The following ARHGAP15 variants were observed in gnomAD, a reference collection of about 807,000 sequenced individuals.
ARHGAP15 encodes Rho GTPase activating protein 15, also known as rho GTPase-activating protein 15.
Under a neutral mutation model 63.7 loss-of-function variants are expected in ARHGAP15, and 51 were observed. The observed-to-expected ratio is 0.80, with a 90% CI of 0.64 to 1.01. The LOEUF (loss-of-function observed/expected upper bound fraction) is 1.01. Among genes scored for constraint, ARHGAP15 ranks in the 50% least tolerant of loss-of-function variants. The probability of loss-of-function intolerance (pLI) is 0.00; values close to 1 mark genes in which losing one functional copy is unlikely to be tolerated. For missense variants in ARHGAP15, 560 were observed against 564.6 expected (o/e 0.99, Z 0.08); for synonymous variants, 191 against 193.8 (o/e 0.99, Z 0.12).
Position 143,595,433 on chromosome 2 carries a change from A to C in ARHGAP15, c.1004-28700A>C, listed in dbSNP as rs376552319. On this transcript the variant is annotated intron_variant, in intron 11 of 13. Transcript: ENST00000295095. ...TTCTAACTCCAGAAATAGTTTGCAG[A>C]TAGTGTCCTTCTATTTTACGTAATG... Among the ~76,000 whole-genome samples the C allele has an allele frequency of 8.5e-5, 13 of 152,236 alleles. No homozygotes were observed. The East Asian group carries it at 2.5e-3, about 29-fold the overall frequency.
chr2:143,719,365 TTACA>T (rs756943503), intron 13 of ARHGAP15, among the ~76,000 whole-genome samples: 1 of 152,258 alleles, frequency 6.6e-6, no homozygotes, highest in Non-Finnish European at 1.5e-5. Context: ...TTAAATTTGC[TTACA>T]TAGTGAAAAG....
intron 2 of ARHGAP15, among the ~76,000 whole-genome samples, chr2:143,166,008 A>G (rs1690505872): frequency 6.8e-6 from 1 of 146,002 alleles, no homozygotes; most frequent in African/African-American, 2.5e-5. Context: ...GAAAGAAGGA[A>G]GGAAGGAAAA....
intron 1 of ARHGAP15, among the ~76,000 whole-genome samples, chr2:143,148,241 C>G (rs573707833): frequency 6.6e-6 from 1 of 152,112 alleles, no homozygotes; most frequent in Admixed American, 6.6e-5. Flanking sequence ...TCACCTCCAC[C>G]CTAAAATCAT....
chr2:143,417,391 A>T (rs1186107712), intron 6 of ARHGAP15, among the ~76,000 whole-genome samples: 1 of 152,106 alleles, frequency 6.6e-6, no homozygotes, highest in Non-Finnish European at 1.5e-5. Flanking sequence ...TTATTTCACA[A>T]AATGCACTAG....
intron 12 of ARHGAP15, among the ~76,000 whole-genome samples, chr2:143,673,844 A>G (rs1166685074): frequency 4.8e-5 from 7 of 145,270 alleles, no homozygotes. Context: ...GGGGAAAAGA[A>G]TAATAGTCCT....
intron 13 of ARHGAP15, among the ~76,000 whole-genome samples, chr2:143,729,640 C>T (rs890613277): frequency 2.0e-5 from 3 of 152,178 alleles, no homozygotes; most frequent in Non-Finnish European, 4.4e-5. Flanking sequence ...AATATGAGAT[C>T]TGTGAAAAAC....
chr2:143,255,279 C>T (rs1463428256), intron 6 of ARHGAP15, among the ~76,000 whole-genome samples: 2 of 151,960 alleles, frequency 1.3e-5, no homozygotes, highest in Admixed American at 6.6e-5. Context: ...CCCCCCGCCA[C>T]CACCAATTTG....
At chr2:143,596,331 A>AT (rs956514058) in intron 11 of ARHGAP15, among the ~76,000 whole-genome samples, 1 of 152,076 alleles carries the variant, frequency 6.6e-6, no homozygotes, top group African/African-American at 2.4e-5. Context: ...AAAAGGTTGT[A>AT]TTTTTTACTG....
At chr2:143,754,670 G>A (rs977127373) in intron 13 of ARHGAP15, among the ~76,000 whole-genome samples, 3 of 152,152 alleles carry the variant, frequency 2.0e-5, no homozygotes, top group African/African-American at 7.2e-5. Context: ...CCAGGGAACG[G>A]GATTAGCAAG....
intron 12 of ARHGAP15, among the ~76,000 whole-genome samples, chr2:143,665,976 G>T (rs1358781342): frequency 6.8e-6 from 1 of 147,848 alleles, no homozygotes; most frequent in Admixed American, 6.7e-5. Flanking sequence ...TCAATATCGT[G>T]AAAATGGCCA....
At chr2:143,397,258 AATG>A (rs10568359) in intron 6 of ARHGAP15, among the ~76,000 whole-genome samples, 121,634 of 151,468 alleles carry the variant, frequency 0.8, 49,116 homozygotes, top group East Asian at 0.94. Flanking sequence ...TGTGAACAAT[AATG>A]ATAAATAAGA....
intron 5 of ARHGAP15, among the ~76,000 whole-genome samples, chr2:143,248,059 G>A (rs1462358658): frequency 6.6e-6 from 1 of 152,164 alleles, no homozygotes; most frequent in Non-Finnish European, 1.5e-5. Context: ...CCCTAGCTCA[G>A]GGAGCTTAAT....
intron 6 of ARHGAP15, among the ~76,000 whole-genome samples, chr2:143,359,127 T>TA (rs1226774363): frequency 6.6e-6 from 1 of 152,160 alleles, no homozygotes; most frequent in Non-Finnish European, 1.5e-5. Context: ...CACAATTTTT[T>TA]AAAATGTTTT....
At chr2:143,569,100 C>T (rs145490840) in intron 11 of ARHGAP15, among the ~76,000 whole-genome samples, 71 of 151,896 alleles carry the variant, frequency 4.7e-4, no homozygotes, top group African/African-American at 1.6e-3. Context: ...CAGCATGGCA[C>T]ATGTATACTT....
intron 6 of ARHGAP15, among the ~76,000 whole-genome samples, chr2:143,365,859 TAAA>T: frequency 1.3e-5 from 2 of 152,342 alleles, no homozygotes; most frequent in Middle Eastern, 6.8e-3. Flanking sequence ...AGAAGGTGTG[TAAA>T]ACACCAGGTA....
intron 6 of ARHGAP15, among the ~76,000 whole-genome samples, chr2:143,384,318 C>A (rs1687177677): frequency 6.6e-6 from 1 of 151,856 alleles, no homozygotes; most frequent in African/African-American, 2.4e-5. Flanking sequence ...TCCACAAGAA[C>A]TTTAAAAGGA....
At chr2:143,395,575 C>T (rs1268448708) in intron 6 of ARHGAP15, among the ~76,000 whole-genome samples, 1 of 152,118 alleles carries the variant, frequency 6.6e-6, no homozygotes. Context: ...GTGTTAAAGG[C>T]TGTCTCCAGC....
intron 8 of ARHGAP15, among the ~76,000 whole-genome samples, chr2:143,438,172 C>T (rs972713961): frequency 6.6e-6 from 1 of 152,056 alleles, no homozygotes; most frequent in Non-Finnish European, 1.5e-5. Context: ...GACAAAATAT[C>T]AGTATACTGA....
chr2:143,218,109 A>G (rs1312190772), intron 4 of ARHGAP15, among the ~76,000 whole-genome samples: 5 of 152,028 alleles, frequency 3.3e-5, no homozygotes, highest in African/African-American at 1.2e-4. Context: ...GTTTTATTCA[A>G]TTTGTATACT....
Sources: gnomAD v4.1 joint callset for allele counts (sites outside exome capture counted in the v4.1 genomes callset) on GRCh38, gnomAD v4.1.1 for gene constraint, MANE v1.5 for transcripts, NCBI Gene and HGNC (gene_info 2026-07-23, HGNC 2026-07-21) for gene names.